DDIAS: variants seen among roughly 807,000 people sequenced by gnomAD.
DDIAS encodes the protein DNA damage-induced apoptosis suppressor protein.
DDIAS carries 14 observed loss-of-function variants against 15.7 expected under a neutral mutation model. The ratio of observed to expected loss-of-function variants is 0.89; its 90% CI spans 0.59 to 1.39. The LOEUF is 1.39. Ranked by LOEUF, DDIAS falls within the 40% of genes most tolerant of loss-of-function variation. The pLI, the probability that DDIAS is intolerant of heterozygous loss-of-function variation, is 0.00. For missense variants in DDIAS, 1,035 were observed against 1,130.9 expected (o/e 0.92, Z 1.22); for synonymous variants, 355 against 395.9 (o/e 0.90, Z 1.23).
chr11:82,932,142 T>C lies in DDIAS; in HGVS notation c.804T>C (p.Gly268=). The change falls in exon 6 of 6, where the codon GGT becomes GGC. Residue 268 remains glycine, a synonymous_variant. Coordinates refer to ENST00000533655, the MANE Select transcript of DDIAS (RefSeq NM_145018.4). ...FSASEQSKAF[G]TLQQNRKSIS... ...CTTCAGAACAAAGTAAGGCCTTTGG[T>C]ACTCTTCAGCAGAACAGAAAGTCCA... 6.2e-7 allele frequency: 1 copy of C among 1,614,210 alleles called. No individual in the cohort carries two copies. The highest frequency in any genetic ancestry group is 1.3e-5 in the African/African-American group (1 of 75,066).
rs2121380034 is a variant in DDIAS, at chr11:82,934,550, TCTTATA to T, written c.*218_*223del. ...TATGATTAGGTAGTTGAGCACTTTA[TCTTATA>T]CTGTTTATTGTACTTTAATAATATT... On this transcript the variant is annotated 3_prime_UTR_variant, in exon 6 of 6. Coordinates refer to ENST00000533655, the MANE Select transcript of DDIAS (RefSeq NM_145018.4). The T allele has an allele frequency of 4.4e-6, 2 of 450,756 alleles. No homozygotes were observed. Among genetic ancestry groups the T allele is most frequent in the East Asian group, 6.8e-5 (2 of 29,480 alleles). 27.9% of individuals were successfully genotyped at this position (450,756 alleles called of 1,614,324 possible).
intron 3 of DDIAS, among the ~76,000 whole-genome samples, chr11:82,918,475 C>T (rs1213423328): frequency 5.3e-5 from 8 of 152,304 alleles, no homozygotes; most frequent in Admixed American, 3.3e-4. Context: ...GTTTTGGTGA[C>T]GATGGCCTTA....
At position 82,931,715 on chromosome 11, in the gene DDIAS, C is replaced by CT; in HGVS notation, c.394-14dup. 1 of 1,557,448 alleles carries CT rather than the reference C, an allele frequency of 6.4e-7. No individual in the cohort carries two copies. The highest frequency in any genetic ancestry group is 8.7e-7 in the Non-Finnish European group (1 of 1,155,690). On this transcript the variant is annotated splice_polypyrimidine_tract_variant and intron_variant, in intron 5 of 5. Coordinates refer to ENST00000533655, the MANE Select transcript of DDIAS (RefSeq NM_145018.4). ...GACAATTTTATTCTTACTTAAATTT[C>CT]TTTGCTTCTTTCACAGAATTTTGAA...
At chr11:82,923,320 C>T (rs990414170) in intron 3 of DDIAS, among the ~76,000 whole-genome samples, 1 of 152,170 alleles carries the variant, frequency 6.6e-6, no homozygotes, top group Non-Finnish European at 1.5e-5. Context: ...CTTTTTCTTA[C>T]TTGGAATCAG....
At chr11:82,920,957 T>C (rs1441144846) in intron 3 of DDIAS, among the ~76,000 whole-genome samples, 1 of 152,228 alleles carries the variant, frequency 6.6e-6, no homozygotes, top group Non-Finnish European at 1.5e-5. Flanking sequence ...ATGACCTGTC[T>C]AGTGCTGTCA....
At chr11:82,929,806 A>G (rs976633969) in intron 4 of DDIAS, among the ~76,000 whole-genome samples, 1 of 152,194 alleles carries the variant, frequency 6.6e-6, no homozygotes, top group African/African-American at 2.4e-5. Context: ...GAGACAATAA[A>G]GGGACCACAA....
Position 82,933,886 on chromosome 11 carries a change from C to T in DDIAS, c.2548C>T (p.His850Tyr). Reference sequence around the variant, plus strand: ...TGTTTCACAACCAGACGTTTTCAATCACTACCCTTTTGCTGAGTGCCATGA... The same window carrying T: ...TGTTTCACAACCAGACGTTTTCAATTACTACCCTTTTGCTGAGTGCCATGA... Reference protein sequence around the residue: ...SGVSQPDVFNHYPFAECHETD... With the variant: ...SGVSQPDVFNYYPFAECHETD... The change falls in exon 6 of 6, where the codon CAC becomes TAC. Residue 850 changes from histidine to tyrosine, a missense_variant. By Grantham distance (83) the His-to-Tyr change is moderately conservative (BLOSUM62 2). Transcript: ENST00000533655. 6.2e-7 allele frequency: 1 copy of T among 1,614,032 alleles called. No homozygotes were observed. The highest frequency in any genetic ancestry group is 8.5e-7 in the Non-Finnish European group (1 of 1,179,990).
intron 3 of DDIAS, among the ~76,000 whole-genome samples, chr11:82,921,779 A>T (rs1860760357): frequency 6.6e-6 from 1 of 151,594 alleles, no homozygotes; most frequent in South Asian, 2.1e-4. Context: ...GGGTTTCACC[A>T]TGTTGGCCAG....
intron 1 of DDIAS, among the ~76,000 whole-genome samples, chr11:82,909,809 A>AATTAGG (rs1860491980): frequency 6.6e-6 from 1 of 152,224 alleles, no homozygotes; most frequent in South Asian, 2.1e-4. Context: ...GATAGCAAAA[A>AATTAGG]ATTAGGATTA....
intron 1 of DDIAS, among the ~76,000 whole-genome samples, chr11:82,911,579 A>G (rs751830314): frequency 1.3e-5 from 2 of 152,226 alleles, no homozygotes; most frequent in Admixed American, 6.5e-5. Context: ...ATCTGCAGTC[A>G]CTTCCTCCAC....
At position 82,928,811 on chromosome 11, in the gene DDIAS, T is replaced by C; in HGVS notation, c.148T>C (p.Ser50Pro). The C allele has an allele frequency of 2.5e-6, 4 of 1,613,658 alleles. No homozygotes were observed. Among genetic ancestry groups the C allele is most frequent in the East Asian group, 2.2e-5 (1 of 44,798 alleles). The change falls in exon 4 of 6, where the codon TCT becomes CCT. Residue 50 changes from serine to proline, a missense_variant. Ser to Pro is a moderately conservative substitution (Grantham distance 74). Coordinates refer to ENST00000533655, the MANE Select transcript of DDIAS (RefSeq NM_145018.4). ...TCCAAAATGTGGCTCTACTGGTGAA[T>C]CTGGAAATGCCAATTACAGATACAA... The part of the protein sequence containing the change: ...NCPKCGSTGE[S>P]GNANYRYKLS...
At chr11:82,917,535 C>T (rs561964105) in intron 3 of DDIAS, among the ~76,000 whole-genome samples, 3 of 152,196 alleles carry the variant, frequency 2.0e-5, no homozygotes, top group Non-Finnish European at 2.9e-5. Flanking sequence ...GTTTCTTTAT[C>T]CACTCATTGA....
Position 82,931,730 on chromosome 11 carries a change from A to C in DDIAS, c.394-2A>C, listed in dbSNP as rs777825955. 3.2e-6 allele frequency: 5 copies of C among 1,568,740 alleles called. No individual in the cohort carries two copies. Among genetic ancestry groups the C allele is most frequent in the Non-Finnish European group, 3.4e-6 (4 of 1,162,880 alleles). ...ACTTAAATTTCTTTGCTTCTTTCAC[A>C]GAATTTTGAAAACCAACCTGGACAA... On this transcript the variant is annotated splice_acceptor_variant, in intron 5 of 5. Coordinates refer to ENST00000533655, the MANE Select transcript of DDIAS (RefSeq NM_145018.4). LOFTEE classifies it high-confidence loss of function.
At chr11:82,912,899 G>C (rs1378516116) in intron 1 of DDIAS, among the ~76,000 whole-genome samples, 2 of 152,078 alleles carry the variant, frequency 1.3e-5, no homozygotes, top group Non-Finnish European at 2.9e-5. Context: ...ATATTGTTGT[G>C]TCTCAGAATA....
chr11:82,932,890 G>T lies in DDIAS; in HGVS notation c.1552G>T (p.Glu518Ter), dbSNP rs144489743. 6.2e-7 allele frequency: 1 copy of T among 1,613,116 alleles called. No homozygotes were observed. Among genetic ancestry groups the T allele is most frequent in the Non-Finnish European group, 8.5e-7 (1 of 1,179,650 alleles). The stretch of plus-strand genomic sequence containing the variant: ...GGAGTCACAACCAGATAACAAAGTA[G>T]AGGCTGTCTCTGTAAATCATAATGG... ...EKESQPDNKV[E>*]AVSVNHNGRD... The change falls in exon 6 of 6, where the codon GAG becomes TAG. Residue 518 changes from glutamate to a stop codon, truncating the protein, a stop_gained. Transcript: ENST00000533655. LOFTEE classifies it low-confidence loss of function (END_TRUNC).
At chr11:82,907,714 T>A (rs368266499) in intron 1 of DDIAS, among the ~76,000 whole-genome samples, 4 of 152,334 alleles carry the variant, frequency 2.6e-5, no homozygotes, top group African/African-American at 9.6e-5. Flanking sequence ...TAATATTTTT[T>A]ATTATTTGTA....
At chr11:82,924,550 C>G (rs756690769) in intron 3 of DDIAS, among the ~76,000 whole-genome samples, 1 of 152,102 alleles carries the variant, frequency 6.6e-6, no homozygotes, top group Non-Finnish European at 1.5e-5. Flanking sequence ...CATAGTAGCT[C>G]ATGCCTGCAA....
At chr11:82,907,216 G>A (rs977293364) in intron 1 of DDIAS, among the ~76,000 whole-genome samples, 51 of 152,264 alleles carry the variant, frequency 3.3e-4, no homozygotes, top group African/African-American at 1.2e-3. Context: ...GTGGGGGTGG[G>A]GAAGCAAGGA....
At chr11:82,929,088 A>AT in intron 4 of DDIAS, 150 bp downstream of exon 4, 1 of 805,094 alleles carries the variant, frequency 1.2e-6, no homozygotes, top group Middle Eastern at 3.5e-4. Flanking sequence ...AAAGATGTTT[A>AT]TTTCCTGAAT....
Sources: allele counts gnomAD v4.1 joint callset (sites outside exome capture counted in the v4.1 genomes callset), GRCh38; gene constraint gnomAD v4.1.1; transcripts MANE v1.5; gene names NCBI Gene and HGNC (gene_info 2026-07-23, HGNC 2026-07-21).